The following GPHN variants were observed in gnomAD, a reference collection of about 807,000 sequenced individuals.
GPHN encodes gephyrin.
In GPHN, 17 loss-of-function variants were observed where a neutral mutation model predicts 95.5. That is an observed-to-expected ratio of 0.18 (90% CI 0.12 to 0.27). The LOEUF is 0.27. Ranked by LOEUF, GPHN falls within the 10% of genes least tolerant of loss-of-function variation. The pLI is 1.00. For synonymous variants in GPHN, 320 were observed against 322.5 expected, an observed-to-expected ratio of 0.99 and a Z score of 0.08; for missense variants, 660 against 978.1, an observed-to-expected ratio of 0.67 and a Z score of 4.34.
chr14:67,243,193 C>CTT, the GPHN span, among the ~76,000 whole-genome samples: 5 of 146,032 alleles, frequency 3.4e-5, no homozygotes, highest in Non-Finnish European at 6.1e-5. Flanking sequence ...ATTGTCTTTT[C>CTT]TTTTTTTTTT....
chr14:66,883,608 T>A (rs1161473617), intron 5 of GPHN, among the ~76,000 whole-genome samples: 4 of 152,064 alleles, frequency 2.6e-5, no homozygotes, highest in Admixed American at 6.6e-5. Context: ...AACACTGCAT[T>A]GTAAGTAAAT....
chr14:67,504,267 G>A, the GPHN span, among the ~76,000 whole-genome samples: 1 of 152,082 alleles, frequency 6.6e-6, no homozygotes, highest in Non-Finnish European at 1.5e-5. Flanking sequence ...GCTTACCTCA[G>A]CCTCCCAAAG....
chr14:67,329,288 T>A, the GPHN span, among the ~76,000 whole-genome samples: 1 of 152,184 alleles, frequency 6.6e-6, no homozygotes, highest in Non-Finnish European at 1.5e-5. Flanking sequence ...TGTCTGTTAT[T>A]GATGTATAGG....
chr14:67,320,534 T>A, the GPHN span: 11 of 772,266 alleles, frequency 1.4e-5, no homozygotes, highest in East Asian at 3.3e-4. Flanking sequence ...AACCAAAGAT[T>A]TTGACAATTT....
At chr14:67,396,036 C>T in the GPHN span, among the ~76,000 whole-genome samples, 1 of 152,320 alleles carries the variant, frequency 6.6e-6, no homozygotes, top group South Asian at 2.1e-4. Context: ...GTTAGTCATG[C>T]TCCCTTCCGT....
At chr14:67,226,983 G>T in the GPHN span, among the ~76,000 whole-genome samples, 1 of 152,126 alleles carries the variant, frequency 6.6e-6, no homozygotes, top group African/African-American at 2.4e-5. Flanking sequence ...TTTAAAGAGA[G>T]AAATTTCTTT....
At chr14:67,201,310 A>C in the GPHN span, 1 of 350,206 alleles carries the variant, frequency 2.9e-6, no homozygotes, top group South Asian at 2.3e-5. Context: ...CAAACAAATA[A>C]ATATTTTTAA....
chr14:67,505,569 T>A, the GPHN span, among the ~76,000 whole-genome samples: 2 of 152,148 alleles, frequency 1.3e-5, no homozygotes, highest in African/African-American at 4.8e-5. Flanking sequence ...TAATGTGGGC[T>A]GGCATGAGGT....
chr14:67,619,342 C>A, the GPHN span, among the ~76,000 whole-genome samples: 1 of 152,220 alleles, frequency 6.6e-6, no homozygotes, highest in Non-Finnish European at 1.5e-5. Flanking sequence ...CTCTTTCATT[C>A]AAAATACCTA....
the GPHN span, chr14:67,562,872 C>A: frequency 1.2e-6 from 2 of 1,612,872 alleles, no homozygotes; most frequent in South Asian, 1.1e-5. Context: ...CCTACACCCC[C>A]GCTGCACCAG....
the GPHN span, among the ~76,000 whole-genome samples, chr14:67,283,806 C>A: frequency 6.6e-6 from 1 of 152,174 alleles, no homozygotes; most frequent in African/African-American, 2.4e-5. Context: ...GTAACTGCTA[C>A]ATCATTCAGT....
the GPHN span, among the ~76,000 whole-genome samples, chr14:67,478,432 A>G: frequency 6.6e-6 from 1 of 152,184 alleles, no homozygotes; most frequent in Non-Finnish European, 1.5e-5. Flanking sequence ...CGCCCTCATC[A>G]TGTCTCACCT....
chr14:67,620,794 C>T, the GPHN span: 1 of 1,152,458 alleles, frequency 8.7e-7, no homozygotes, highest in South Asian at 1.3e-5. Context: ...CTGATGCTGT[C>T]ACAGGTTTTC....
intron 9 of GPHN, among the ~76,000 whole-genome samples, chr14:66,989,632 G>A (rs1251781867): frequency 2.1e-5 from 3 of 141,946 alleles, no homozygotes; most frequent in Middle Eastern, 3.8e-3. Flanking sequence ...TCTGTCTAAG[G>A]ATCCTGTTAA....
chr14:67,680,696 T>C, the GPHN span, among the ~76,000 whole-genome samples: 1 of 152,126 alleles, frequency 6.6e-6, no homozygotes, highest in African/African-American at 2.4e-5. Flanking sequence ...TGGGCTCAAG[T>C]AGTTTGCCCA....
chr14:67,365,168 A>T, the GPHN span, among the ~76,000 whole-genome samples: 1 of 152,202 alleles, frequency 6.6e-6, no homozygotes, highest in Admixed American at 6.5e-5. Context: ...CCAATTAGCT[A>T]TCTAAGCAAG....
chr14:67,702,713 A>G, the GPHN span, among the ~76,000 whole-genome samples: 13 of 152,272 alleles, frequency 8.5e-5, no homozygotes, highest in Non-Finnish European at 1.8e-4. Context: ...CTATAAGTCA[A>G]TTGGGTATCA....
the GPHN span, chr14:67,571,461 G>A: frequency 2.9e-6 from 1 of 339,156 alleles, no homozygotes; most frequent in East Asian, 4.5e-5. Flanking sequence ...GTAGCTTTCT[G>A]GCCCCCTAGT....
chr14:67,363,432 C>T, the GPHN span, among the ~76,000 whole-genome samples: 3 of 152,058 alleles, frequency 2.0e-5, no homozygotes, highest in Non-Finnish European at 2.9e-5. Flanking sequence ...GTTATGTACT[C>T]TGGCACTGAA....
Sources: gnomAD v4.1 joint callset for allele counts (sites outside exome capture counted in the v4.1 genomes callset) on GRCh38, gnomAD v4.1.1 for gene constraint, MANE v1.5 for transcripts, NCBI Gene and HGNC (gene_info 2026-07-23, HGNC 2026-07-21) for gene names.